Variants in VSTM2L observed in about 807,000 individuals in gnomAD.
VSTM2L encodes V-set and transmembrane domain-containing protein 2-like protein.
Under a neutral mutation model 19.9 loss-of-function variants are expected in VSTM2L, and 9 were observed. The ratio of observed to expected loss-of-function variants is 0.45; its 90% confidence interval spans 0.27 to 0.79. VSTM2L has a LOEUF of 0.79. VSTM2L is among the 30% of genes least tolerant of loss of function. The pLI, the probability that VSTM2L is intolerant of heterozygous loss-of-function variation, is 0.15. For missense variants in VSTM2L, 286 were observed against 295.5 expected (o/e 0.97, Z 0.24); for synonymous variants, 127 against 133.8 (o/e 0.95, Z 0.35).
chr20:37,914,328 G>C (rs1277663417), intron 1 of VSTM2L, among the ~76,000 whole-genome samples: 48 of 149,668 alleles, frequency 3.2e-4, no homozygotes, highest in South Asian at 8.6e-4. Flanking sequence ...ATGTGTGTGG[G>C]GTATGGGTGT....
Position 37,944,868 on chromosome 20 carries a change from G to A in VSTM2L, c.*615G>A. The A allele has an allele frequency of 2.0e-5, 20 of 985,976 alleles. No homozygotes were observed. Among genetic ancestry groups the A allele is most frequent in the Non-Finnish European group, 2.3e-5 (19 of 830,064 alleles). 61.1% of individuals were successfully genotyped at this position (985,976 alleles called of 1,614,324 possible). A position where few individuals can be genotyped will look rare whatever the true frequency, so the allele number is the denominator to read the frequency against. ...GAGTCCTTCCTGTTCAGCTCCCTGT[G>A]CGACCCTCCAGGGATGCAGGGGATC... is the stretch of plus-strand genomic sequence containing the variant. On this transcript the variant is annotated 3_prime_UTR_variant, in exon 4 of 4. Coordinates refer to ENST00000373461, the MANE Select transcript of VSTM2L (RefSeq NM_080607.3).
intron 1 of VSTM2L, among the ~76,000 whole-genome samples, chr20:37,925,655 C>T (rs1034540966): frequency 4.6e-5 from 7 of 152,174 alleles, no homozygotes; most frequent in African/African-American, 9.7e-5. Flanking sequence ...CCTTCACTAC[C>T]GAGGTCAGAG....
At chr20:37,933,429 C>A in intron 2 of VSTM2L, 110 bp from the exon 3 acceptor site, 2 of 895,940 alleles carry the variant, frequency 2.2e-6, no homozygotes, top group Non-Finnish European at 3.4e-6. Context: ...TCGTGAGAAT[C>A]TTAGCGGTTG....
chr20:37,934,150 C>T (rs568015870), intron 3 of VSTM2L, among the ~76,000 whole-genome samples: 5 of 152,328 alleles, frequency 3.3e-5, no homozygotes, highest in South Asian at 2.1e-4. Context: ...CCAGAGGTCA[C>T]GCCAAGGGTG....
chr20:37,919,055 C>G (rs2072835870), intron 1 of VSTM2L, among the ~76,000 whole-genome samples: 1 of 152,166 alleles, frequency 6.6e-6, no homozygotes, highest in South Asian at 2.1e-4. Context: ...ACTGCAGGCT[C>G]CCTGAGGGCA....
Position 37,944,791 on chromosome 20 carries a change from G to A in VSTM2L, c.*538G>A. On this transcript the variant is annotated 3_prime_UTR_variant, in exon 4 of 4. Coordinates refer to ENST00000373461, the MANE Select transcript of VSTM2L (RefSeq NM_080607.3). Reference sequence around the variant, plus strand: ...CCCTTCTGGGGCAGTGGCTCTGCAGGGTCACTCATGGAGGCCTAGGGGAAC... The same window carrying A: ...CCCTTCTGGGGCAGTGGCTCTGCAGAGTCACTCATGGAGGCCTAGGGGAAC... 3 of 986,252 alleles carry A rather than the reference G, an allele frequency of 3.0e-6. No homozygotes were observed. Among genetic ancestry groups the A allele is most frequent in the Non-Finnish European group, 3.6e-6 (3 of 830,372 alleles). 61.1% of individuals were successfully genotyped at this position (986,252 alleles called of 1,614,324 possible). A position where few individuals can be genotyped will look rare whatever the true frequency, so the allele number is the denominator to read the frequency against.
chr20:37,943,189 C>A lies in VSTM2L; in HGVS notation c.343-792C>A, dbSNP rs1467341185. ...TTCCCCATGTTGCCCAGGCAACATG[C>A]CCAGGTCTCAAACTCCTGACTTCAA... On this transcript the variant is annotated intron_variant, in intron 3 of 3. Transcript: ENST00000373461. 2.0e-5 allele frequency among the ~76,000 whole-genome samples: 3 copies of A among 152,058 alleles called. No individual in the cohort carries two copies. The East Asian group carries it at 5.8e-4, about 29-fold the overall frequency.
rs1232594100 is a variant in VSTM2L, at chr20:37,944,401, C to T, written c.*148C>T. The T allele has an allele frequency of 3.1e-6, 4 of 1,272,154 alleles. No individual in the cohort carries two copies. The highest frequency in any genetic ancestry group is 3.1e-6 in the Non-Finnish European group (3 of 980,618). The allele number at this position is 1,272,154 out of a possible 1,614,324, so 78.8% of individuals were successfully genotyped here. On this transcript the variant is annotated 3_prime_UTR_variant, in exon 4 of 4. Coordinates refer to ENST00000373461, the MANE Select transcript of VSTM2L (RefSeq NM_080607.3). ...CACCATGTCGGCCCTCTTTCCACCA[C>T]CCCTTGCTCAGCATGTAAGCCCCAC... is the stretch of plus-strand genomic sequence containing the variant.
intron 1 of VSTM2L, 69 bp from the exon 2 acceptor site, chr20:37,931,566 C>T (rs113195366): frequency 6.6e-7 from 1 of 1,521,846 alleles, no homozygotes; most frequent in Non-Finnish European, 8.9e-7. Flanking sequence ...CCTACGTTCT[C>T]CACCTCCTTC....
intron 1 of VSTM2L, among the ~76,000 whole-genome samples, chr20:37,909,389 C>T (rs559941668): frequency 1.7e-4 from 26 of 152,122 alleles, no homozygotes; most frequent in South Asian, 4.2e-4. Flanking sequence ...GTTTGGGGCC[C>T]GCTGGGCACA....
At chr20:37,922,964 TTTAGCCATC>T (rs2072860551) in intron 1 of VSTM2L, among the ~76,000 whole-genome samples, 1 of 151,476 alleles carries the variant, frequency 6.6e-6, no homozygotes, top group South Asian at 2.1e-4. Context: ...AGGAAGCAAC[TTTAGCCATC>T]TTTCTGGAGA....
intron 3 of VSTM2L, among the ~76,000 whole-genome samples, chr20:37,941,397 C>T (rs1315333257): frequency 6.6e-6 from 1 of 152,168 alleles, no homozygotes; most frequent in Non-Finnish European, 1.5e-5. Context: ...CCAGCACGCG[C>T]AAAGGCCGTG....
intron 3 of VSTM2L, among the ~76,000 whole-genome samples, chr20:37,941,789 A>C (rs1379359102): frequency 1.3e-5 from 2 of 150,146 alleles, no homozygotes; most frequent in Non-Finnish European, 3.0e-5. Flanking sequence ...CTGTCCAGGC[A>C]GGACAGGGGC....
chr20:37,936,466 G>T (rs1340516694), intron 3 of VSTM2L, among the ~76,000 whole-genome samples: 1 of 152,206 alleles, frequency 6.6e-6, no homozygotes, highest in Non-Finnish European at 1.5e-5. Context: ...TGGAATCCCA[G>T]AATCTCATAG....
chr20:37,916,770 G>T (rs1337707826), intron 1 of VSTM2L, among the ~76,000 whole-genome samples: 1 of 152,226 alleles, frequency 6.6e-6, no homozygotes. Context: ...TGATGTGTGC[G>T]ACAATGGTAG....
At chr20:37,918,140 G>A (rs968718076) in intron 1 of VSTM2L, among the ~76,000 whole-genome samples, 82 of 152,304 alleles carry the variant, frequency 5.4e-4, no homozygotes, top group African/African-American at 1.9e-3. Context: ...GGGCAAGGAT[G>A]CTGTCCCAAG....
intron 3 of VSTM2L, among the ~76,000 whole-genome samples, chr20:37,939,377 C>A (rs1029716632): frequency 6.6e-6 from 1 of 151,630 alleles, no homozygotes; most frequent in African/African-American, 2.4e-5. Context: ...ATGATCACGC[C>A]AGGGCACTCC....
intron 1 of VSTM2L, among the ~76,000 whole-genome samples, chr20:37,904,259 G>A (rs376787920): frequency 6.6e-6 from 1 of 152,208 alleles, no homozygotes; most frequent in East Asian, 1.9e-4. Flanking sequence ...GAGTGGAAGT[G>A]GAATGCCGGG....
chr20:37,935,845 C>A (rs560126308), intron 3 of VSTM2L, among the ~76,000 whole-genome samples: 1 of 151,568 alleles, frequency 6.6e-6, no homozygotes, highest in African/African-American at 2.4e-5. Context: ...CACACACAGA[C>A]ATACGCCCAG....
Sources: gnomAD v4.1 joint callset for allele counts (sites outside exome capture counted in the v4.1 genomes callset) on GRCh38, gnomAD v4.1.1 for gene constraint, MANE v1.5 for transcripts, NCBI Gene and HGNC (gene_info 2026-07-23, HGNC 2026-07-21) for gene names.